Variants in THSD7A observed in about 807,000 individuals in gnomAD.
THSD7A encodes thrombospondin type 1 domain containing 7A.
Under a neutral mutation model 231.3 loss-of-function variants are expected in THSD7A, and 96 were observed. The ratio of observed to expected loss-of-function variants is 0.41; its 90% CI spans 0.35 to 0.49. The LOEUF is 0.49. Among genes scored for constraint, THSD7A ranks in the 20% least tolerant of loss-of-function variants. THSD7A has a pLI of 0.05. For synonymous variants in THSD7A, 940 were observed against 743.3 expected, an observed-to-expected ratio of 1.26 and a Z score of -4.30; for missense variants, 2,290 against 2,070.2, an observed-to-expected ratio of 1.11 and a Z score of -2.06.
intron 2 of THSD7A, among the ~76,000 whole-genome samples, chr7:11,619,862 T>C (rs1781245791): frequency 6.6e-6 from 1 of 152,208 alleles, no homozygotes; most frequent in African/African-American, 2.4e-5. Flanking sequence ...GATGCCTCTC[T>C]AGAATAATAT....
intron 2 of THSD7A, among the ~76,000 whole-genome samples, chr7:11,594,545 A>C (rs912305972): frequency 6.6e-6 from 1 of 152,142 alleles, no homozygotes; most frequent in East Asian, 1.9e-4. Flanking sequence ...GACGCTCCTG[A>C]TTCATTGCTT....
chr7:11,475,355 T>C (rs1786115985), intron 7 of THSD7A, among the ~76,000 whole-genome samples: 1 of 152,018 alleles, frequency 6.6e-6, no homozygotes, highest in East Asian at 1.9e-4. Flanking sequence ...TGTGGGGTAC[T>C]TCAGGAGATT....
chr7:11,631,298 T>A (rs925090275), intron 2 of THSD7A, among the ~76,000 whole-genome samples: 1 of 152,212 alleles, frequency 6.6e-6, no homozygotes, highest in African/African-American at 2.4e-5. Flanking sequence ...TTTTTTGTTT[T>A]TAAACTGTAG....
chr7:11,804,078 A>C (rs1230619997), intron 1 of THSD7A, among the ~76,000 whole-genome samples: 1 of 152,166 alleles, frequency 6.6e-6, no homozygotes, highest in East Asian at 1.9e-4. Flanking sequence ...TTTATATTTT[A>C]TATTTCAGAA....
chr7:11,777,066 G>C (rs564176363), intron 1 of THSD7A, among the ~76,000 whole-genome samples: 3 of 152,270 alleles, frequency 2.0e-5, no homozygotes, highest in African/African-American at 7.2e-5. Flanking sequence ...CAAGAACAAA[G>C]TGATGTTTAT....
chr7:11,389,507 T>G (rs1202184841), intron 23 of THSD7A, among the ~76,000 whole-genome samples: 1 of 147,566 alleles, frequency 6.8e-6, no homozygotes, highest in Non-Finnish European at 1.5e-5. Context: ...TTTGAGCCTA[T>G]GTGTGTCTTT....
chr7:11,529,603 G>GCT (rs757130948), intron 6 of THSD7A, among the ~76,000 whole-genome samples: 102 of 53,696 alleles, frequency 1.9e-3, no homozygotes, highest in African/African-American at 6.9e-3. Context: ...TTCCCCCTTT[G>GCT]CTCTCTCTCT....
intron 6 of THSD7A, among the ~76,000 whole-genome samples, chr7:11,493,809 T>C (rs1442332459): frequency 6.6e-6 from 1 of 152,078 alleles, no homozygotes; most frequent in Admixed American, 6.6e-5. Context: ...TGGTCATCTA[T>C]GAACAGAGAA....
intron 1 of THSD7A, among the ~76,000 whole-genome samples, chr7:11,741,740 T>A (rs926351557): frequency 6.6e-6 from 1 of 151,916 alleles, no homozygotes; most frequent in African/African-American, 2.4e-5. Context: ...ATAACTATGT[T>A]GATGACCTAA....
At chr7:11,707,431 G>T (rs939165741) in intron 1 of THSD7A, among the ~76,000 whole-genome samples, 1 of 150,888 alleles carries the variant, frequency 6.6e-6, no homozygotes, top group Admixed American at 6.6e-5. Flanking sequence ...TGCTGAACCT[G>T]TATATATAAC....
chr7:11,539,669 A>G (rs1789060451), intron 6 of THSD7A, among the ~76,000 whole-genome samples: 1 of 152,192 alleles, frequency 6.6e-6, no homozygotes. Flanking sequence ...AATGAAAATA[A>G]GCCACTGATA....
At chr7:11,567,307 G>A (rs1790393511) in intron 4 of THSD7A, among the ~76,000 whole-genome samples, 1 of 152,044 alleles carries the variant, frequency 6.6e-6, no homozygotes, top group South Asian at 2.1e-4. Flanking sequence ...AGTAAAGGGG[G>A]AAGAGCCCCT....
At chr7:11,630,060 C>T (rs1287375765) in intron 2 of THSD7A, among the ~76,000 whole-genome samples, 2 of 152,146 alleles carry the variant, frequency 1.3e-5, no homozygotes, top group African/African-American at 2.4e-5. Context: ...TCCCAATTAT[C>T]CATTACTGAA....
intron 1 of THSD7A, among the ~76,000 whole-genome samples, chr7:11,734,836 T>C (rs1434831457): frequency 6.6e-6 from 1 of 151,954 alleles, no homozygotes; most frequent in African/African-American, 2.4e-5. Context: ...AGAAAGTAAT[T>C]GAATAAACCC....
chr7:11,694,476 C>T (rs1159836201), intron 1 of THSD7A, among the ~76,000 whole-genome samples: 2 of 151,430 alleles, frequency 1.3e-5, no homozygotes, highest in Admixed American at 1.3e-4. Context: ...AACAGATGAC[C>T]AAGATTATTC....
chr7:11,617,837 TG>T (rs1274437770), intron 2 of THSD7A, among the ~76,000 whole-genome samples: 1 of 151,926 alleles, frequency 6.6e-6, no homozygotes, highest in Admixed American at 6.6e-5. Context: ...GGGCCTGTCG[TG>T]GGGTAGGGAG....
Position 11,804,817 on chromosome 7 carries a change from C to T in THSD7A, c.190+26940G>A, listed in dbSNP as rs112812251. Among the ~76,000 whole-genome samples, 790 of 152,204 alleles carry T rather than the reference C, an allele frequency of 5.2e-3. 3 individuals carry two copies. The highest frequency in any genetic ancestry group is 9.1e-3 in the Admixed American group (139 of 15,262). ...TGGTACTGTTCAGTCCTCACATCTG[C>T]GGCCTCTCGGTCCCCATGTGCAGGC... On this transcript the variant is annotated intron_variant, in intron 1 of 27. Coordinates refer to ENST00000423059, the MANE Select transcript of THSD7A (RefSeq NM_015204.3).
At chr7:11,486,890 C>G (rs1583833015) in intron 6 of THSD7A, among the ~76,000 whole-genome samples, 1 of 152,104 alleles carries the variant, frequency 6.6e-6, no homozygotes, top group African/African-American at 2.4e-5. Flanking sequence ...ACAATTTACA[C>G]CTTACTTTGA....
intron 1 of THSD7A, among the ~76,000 whole-genome samples, chr7:11,652,285 C>T (rs893327701): frequency 5.9e-5 from 9 of 151,728 alleles, no homozygotes; most frequent in East Asian, 1.9e-4. Flanking sequence ...CTTTCTGGCA[C>T]GGGAGCAGGA....
Sources: allele counts gnomAD v4.1 joint callset (sites outside exome capture counted in the v4.1 genomes callset), GRCh38; gene constraint gnomAD v4.1.1; transcripts MANE v1.5; gene names NCBI Gene and HGNC (gene_info 2026-07-23, HGNC 2026-07-21).